IFT172: variants seen among roughly 807,000 people sequenced by gnomAD.
IFT172 encodes intraflagellar transport protein 172 homolog.
A neutral mutation model predicts 248.9 loss-of-function variants in IFT172; 164 were observed. The ratio of observed to expected loss-of-function variants is 0.66; its 90% CI spans 0.58 to 0.75. The LOEUF is 0.75. Among genes scored for constraint, IFT172 ranks in the 30% least tolerant of loss-of-function variants. The probability of loss-of-function intolerance (pLI) is 0.00; values close to 1 mark genes in which losing one functional copy is unlikely to be tolerated. For synonymous variants in IFT172, 729 were observed against 791.6 expected (o/e 0.92, Z 1.33); for missense variants, 1,950 against 2,192.4 (o/e 0.89, Z 2.21).
intron 22 of IFT172, 69 bp downstream of exon 22, chr2:27,461,200 A>C: frequency 6.2e-7 from 1 of 1,612,460 alleles, no homozygotes; most frequent in Non-Finnish European, 8.5e-7. Context: ...CTGCACCCCA[A>C]GACTCCTCTG....
Position 27,459,701 on chromosome 2 carries a change from T to C in IFT172, c.2642+8A>G, listed in dbSNP as rs985045534. ...CTAAATCTCCTTTACATTCCCATACTCCCATACCTGGCTTCGATGTAGTGA... is the reference window on the plus strand; with the variant it reads ...CTAAATCTCCTTTACATTCCCATACCCCCATACCTGGCTTCGATGTAGTGA... On this transcript the variant is annotated splice_region_variant and intron_variant, in intron 24 of 47. Transcript: ENST00000260570. 6.2e-7 allele frequency: 1 copy of C among 1,611,638 alleles called. No individual in the cohort carries two copies. The highest frequency in any genetic ancestry group is 1.3e-5 in the African/African-American group (1 of 74,900).
intron 14 of IFT172, among the ~76,000 whole-genome samples, chr2:27,473,077 G>A (rs966983634): frequency 2.0e-5 from 3 of 151,976 alleles, no homozygotes; most frequent in Admixed American, 2.0e-4. Context: ...TAATTAAAAA[G>A]TAAAATCGGC....
chr2:27,459,234 G>C, intron 25 of IFT172, 144 bp downstream of exon 25: 1 of 1,031,338 alleles, frequency 9.7e-7, no homozygotes, highest in South Asian at 1.7e-5. Context: ...AAAGTAAACT[G>C]TTCTCTTCCC....
chr2:27,473,994 G>A (rs1302678604), intron 14 of IFT172, among the ~76,000 whole-genome samples: 1 of 152,060 alleles, frequency 6.6e-6, no homozygotes, highest in African/African-American at 2.4e-5. Flanking sequence ...TTTTAGTAGA[G>A]ATGGGGTTTC....
At chr2:27,458,660 T>A in intron 26 of IFT172, 119 bp downstream of exon 26, 1 of 1,169,292 alleles carries the variant, frequency 8.6e-7, no homozygotes, top group Non-Finnish European at 1.2e-6. Flanking sequence ...CAGACTGTTT[T>A]TTGGTACTCT....
chr2:27,464,367 C>T (rs573486737), intron 18 of IFT172, among the ~76,000 whole-genome samples: 7 of 152,148 alleles, frequency 4.6e-5, no homozygotes, highest in Non-Finnish European at 8.8e-5. Context: ...CTATTCTACA[C>T]AGAGAAAATC....
intron 3 of IFT172, 32 bp from the exon 4 acceptor site, chr2:27,484,298 A>C: frequency 6.2e-7 from 1 of 1,612,464 alleles, no homozygotes; most frequent in Non-Finnish European, 8.5e-7. Flanking sequence ...AACATATTAA[A>C]AACCACTTCC....
At chr2:27,457,536 C>T (rs907949301) in intron 29 of IFT172, 103 bp downstream of exon 29, 10 of 995,852 alleles carry the variant, frequency 1.0e-5, no homozygotes, top group South Asian at 2.9e-5. Flanking sequence ...AATTGCACCA[C>T]TGCACTCCAG....
Position 27,481,232 on chromosome 2 carries a change from G to A in IFT172, c.599C>T (p.Pro200Leu). ...ATTGGTTGCCCATGCCAAGGCATAG[G>A]GTGGACACGGGTGGTTAACCAACTT... ...QGKLVNHPCP[P>L]YALAWATNSI... The change falls in exon 8 of 48, where the codon CCC becomes CTC. Residue 200 changes from proline (P) to leucine (L), a missense_variant. Pro to Leu is a moderately conservative substitution (Grantham distance 98). Transcript: ENST00000260570. 1 of 1,612,060 alleles carries A rather than the reference G, an allele frequency of 6.2e-7. No individual in the cohort carries two copies. Among genetic ancestry groups the A allele is most frequent in the Non-Finnish European group, 8.5e-7 (1 of 1,179,872 alleles).
chr2:27,484,103 C>T (rs1196298034), intron 4 of IFT172, 124 bp downstream of exon 4: 10 of 1,411,936 alleles, frequency 7.1e-6, no homozygotes, highest in Non-Finnish European at 9.0e-6. Flanking sequence ...CATGAAGCAC[C>T]ATCCTTGCAG....
rs748929714 is a variant in IFT172 at position 27,447,559 on chromosome 2, G to A, written c.4615C>T (p.His1539Tyr). 1.2e-6 allele frequency: 2 copies of A among 1,614,118 alleles called. No individual in the cohort carries two copies. The highest frequency in any genetic ancestry group is 8.5e-7 in the Non-Finnish European group (1 of 1,180,010). The change falls in exon 42 of 48, where the codon CAT becomes TAT. Residue 1539 changes from histidine (H) to tyrosine (Y), a missense_variant. Physicochemically the swap from His to Tyr is moderately conservative, Grantham distance 83. Coordinates refer to ENST00000260570, the MANE Select transcript of IFT172 (RefSeq NM_015662.3). ...GCTGCAGAGCGCGTGGCATAGTAATGAGCGATCAGCAGCATCGTCTTGAAC... is the reference window on the plus strand; with the variant it reads ...GCTGCAGAGCGCGTGGCATAGTAATAAGCGATCAGCAGCATCGTCTTGAAC... ...EEFKTMLLIA[H>Y]YYATRSAAQS...
Position 27,470,956 on chromosome 2 carries a change from G to GT in IFT172, c.1663_1664insA (p.Pro555HisfsTer2). 6.2e-7 allele frequency: 1 copy of GT among 1,609,092 alleles called. No individual in the cohort carries two copies. Among genetic ancestry groups the GT allele is most frequent in the East Asian group, 2.2e-5 (1 of 44,788 alleles). ...AATAGTGAACATGGTGACTCTCTCAGGTGCCTCAATGTTGTACCATACACA... is the reference window on the plus strand; with the variant it reads ...AATAGTGAACATGGTGACTCTCTCAGTGTGCCTCAATGTTGTACCATACACA... On this transcript the variant is annotated frameshift_variant, in exon 16 of 48. Coordinates refer to ENST00000260570, the MANE Select transcript of IFT172 (RefSeq NM_015662.3). LOFTEE classifies it high-confidence loss of function.
rs1272452091 is a variant in IFT172 at position 27,471,208 on chromosome 2, A to G, written c.1525-113T>C. 4 of 1,012,318 alleles carry G rather than the reference A, an allele frequency of 4.0e-6. No homozygotes were observed. In the East Asian group the frequency reaches 1.0e-4, roughly 26 times the overall value. The allele number at this position is 1,012,318 out of a possible 1,614,324, so 62.7% of individuals were successfully genotyped here. A position where few individuals can be genotyped will look rare whatever the true frequency, so the allele number is the denominator to read the frequency against. On this transcript the variant is annotated intron_variant, in intron 15 of 47. Transcript: ENST00000260570. ...GTGAGCTAACCCACCACTCAGGTTC[A>G]TGCTGCATTTCAAAGCTTACTGACC... is the stretch of plus-strand genomic sequence containing the variant.
chr2:27,446,463 A>C, intron 42 of IFT172, 108 bp from the exon 43 acceptor site: 1 of 934,714 alleles, frequency 1.1e-6, no homozygotes, highest in South Asian at 1.5e-5. Flanking sequence ...ATTATTATTA[A>C]ACTGCTCTGG....
chr2:27,478,136 T>A lies in IFT172; in HGVS notation c.1026A>T (p.Ser342=). The A allele has an allele frequency of 6.2e-7, 1 of 1,614,188 alleles. No individual in the cohort carries two copies. The highest frequency in any genetic ancestry group is 8.5e-7 in the Non-Finnish European group (1 of 1,180,034). Residue 342 remains serine (S), a synonymous_variant, in exon 11 of 48, where the codon TCA becomes TCT. Transcript: ENST00000260570. ...ACTTGAGCACCACTCGGGTTCCTGA[T>A]GACAGGTTCTTCACAATCACCTTGG... ...GPSQVIVKNL[S]SGTRVVLKSH...
intron 39 of IFT172, 45 bp downstream of exon 39, chr2:27,449,249 A>C: frequency 3.1e-6 from 5 of 1,609,682 alleles, no homozygotes; most frequent in Non-Finnish European, 4.3e-6. Flanking sequence ...GTGGGGAATC[A>C]AGGGAAAATG....
In IFT172 at chr2:27,445,688, C is replaced by T. The variant is rs1665012464; in HGVS notation, c.4914+57G>A. ...AGATGGCAGCACAAAGATATTCTCC[C>T]TCCTCAAGGCACTCACACTGGTGAG... On this transcript the variant is annotated intron_variant, in intron 45 of 47. Coordinates refer to ENST00000260570, the MANE Select transcript of IFT172 (RefSeq NM_015662.3). This position sits in a 1 kb window ranked among gnomAD's most constrained non-coding sequence, Gnocchi z 4.4. The T allele has an allele frequency of 1.3e-6, 2 of 1,584,906 alleles. No individual in the cohort carries two copies. The highest frequency in any genetic ancestry group is 1.7e-6 in the Non-Finnish European group (2 of 1,155,372).
At position 27,445,381 on chromosome 2, in the gene IFT172, A is replaced by C; in HGVS notation, c.4983T>G (p.Val1661=). The C allele has an allele frequency of 6.2e-7, 1 of 1,612,934 alleles. No individual in the cohort carries two copies. The highest frequency in any genetic ancestry group is 8.5e-7 in the Non-Finnish European group (1 of 1,179,658). ...AGGCGCCACGCTCATCCCGAGGCAG[A>C]ACCTGCTCCAGCCGCTGGTCCATGG... ...TVSMDQRLEQ[V]LPRDERGAYE... is the part of the protein sequence containing the mutation. Residue 1661 remains valine (V), a synonymous_variant, in exon 46 of 48, where the codon GTT becomes GTG. Coordinates refer to ENST00000260570, the MANE Select transcript of IFT172 (RefSeq NM_015662.3). The surrounding 1 kb of genome is among the most constrained non-coding windows in gnomAD (Gnocchi z 4.4).
At chr2:27,465,570 T>TA in intron 17 of IFT172, 52 bp from the exon 18 acceptor site, 1 of 1,587,558 alleles carries the variant, frequency 6.3e-7, no homozygotes, top group Admixed American at 1.7e-5. Flanking sequence ...GTTAGGAAGA[T>TA]ACAGCAGAAG....
Sources: allele counts gnomAD v4.1 joint callset (sites outside exome capture counted in the v4.1 genomes callset), GRCh38; gene constraint gnomAD v4.1.1; non-coding constraint Gnocchi (gnomAD v3.1); transcripts MANE v1.5; gene names NCBI Gene and HGNC (gene_info 2026-07-23, HGNC 2026-07-21).